Variants in CYP7B1 observed in about 807,000 individuals in gnomAD.
CYP7B1 encodes the protein cytochrome P450 family 7 subfamily B member 1.
In CYP7B1, 29 loss-of-function variants were observed where a neutral mutation model predicts 42.7. The observed-to-expected ratio is 0.68, with a 90% CI of 0.51 to 0.93. CYP7B1 has a LOEUF of 0.93. Ranked by LOEUF, CYP7B1 falls within the 40% of genes least tolerant of loss-of-function variation. The probability of loss-of-function intolerance (pLI) is 0.00; values close to 1 mark genes in which losing one functional copy is unlikely to be tolerated. For synonymous variants in CYP7B1, 235 were observed against 218.2 expected (o/e 1.08, Z -0.68); for missense variants, 655 against 600.5 (o/e 1.09, Z -0.95).
intron 1 of CYP7B1, among the ~76,000 whole-genome samples, chr8:64,676,402 A>T (rs952429195): frequency 1.3e-5 from 2 of 152,096 alleles, no homozygotes; most frequent in Non-Finnish European, 2.9e-5. Context: ...GAATATATGG[A>T]CTAAATGGAA....
downstream of CYP7B1, among the ~76,000 whole-genome samples, chr8:64,589,381 G>GT (rs972633216): frequency 1.3e-5 from 2 of 152,012 alleles, no homozygotes; most frequent in Non-Finnish European, 1.5e-5. Context: ...AAAATAAAAA[G>GT]TTTTTTTTAA....
chr8:64,720,684 A>G (rs1228239015), intron 1 of CYP7B1, among the ~76,000 whole-genome samples: 1 of 152,224 alleles, frequency 6.6e-6, no homozygotes, highest in East Asian at 1.9e-4. Context: ...CTAAATGTAT[A>G]TACCATGTGC....
At chr8:64,654,511 G>T (rs1323271429) in intron 1 of CYP7B1, among the ~76,000 whole-genome samples, 3 of 152,094 alleles carry the variant, frequency 2.0e-5, no homozygotes, top group Admixed American at 2.0e-4. Context: ...ACTGCTCAAA[G>T]GAATCAGAGA....
intron 1 of CYP7B1, among the ~76,000 whole-genome samples, chr8:64,787,736 C>A (rs1025242661): frequency 2.0e-5 from 3 of 152,138 alleles, no homozygotes; most frequent in Non-Finnish European, 4.4e-5. Flanking sequence ...TCCCTTGGAG[C>A]CAATCTACTG....
At chr8:64,708,714 G>T (rs1476519936) in intron 1 of CYP7B1, among the ~76,000 whole-genome samples, 1 of 152,240 alleles carries the variant, frequency 6.6e-6, no homozygotes, top group East Asian at 1.9e-4. Flanking sequence ...TTAGATATCT[G>T]CATTCTTGAG....
intron 2 of CYP7B1, among the ~76,000 whole-genome samples, chr8:64,619,249 ATCT>A (rs1457002011): frequency 1.3e-5 from 2 of 152,216 alleles, no homozygotes; most frequent in East Asian, 1.9e-4. Context: ...AACAAAGGAA[ATCT>A]TCTGAAAAGG....
At chr8:64,700,312 T>C (rs1585864373) in intron 1 of CYP7B1, among the ~76,000 whole-genome samples, 2 of 152,182 alleles carry the variant, frequency 1.3e-5, no homozygotes. Context: ...CCATCTATGA[T>C]CCTAGTAACG....
intron 1 of CYP7B1, chr8:64,704,011 G>A (rs1806955684): frequency 6.6e-6 from 1 of 151,988 alleles, no homozygotes; most frequent in South Asian, 2.1e-4. Context: ...CCTTTTGTTT[G>A]CTGCACTTTT....
At chr8:64,606,753 T>A (rs1453585056) in intron 4 of CYP7B1, among the ~76,000 whole-genome samples, 4 of 152,182 alleles carry the variant, frequency 2.6e-5, no homozygotes, top group Non-Finnish European at 5.9e-5. Context: ...CGAGATGAGG[T>A]TGGCTCTCGC....
Position 64,677,459 on chromosome 8 carries a change from AAAAAAT to A in CYP7B1, c.123-52926_123-52921del, listed in dbSNP as rs1365290064. Among the ~76,000 whole-genome samples the A allele has an allele frequency of 8.4e-4, 120 of 143,410 alleles. 1 individual carries two copies. The East Asian group carries it at 0.019, about 23-fold the overall frequency. 94.1% of individuals were successfully genotyped at this position (143,410 alleles called of 152,430 possible). A position where few individuals can be genotyped will look rare whatever the true frequency, so the allele number is the denominator to read the frequency against. ...GAGCCAAAAAAAAAAAAAAAAAAAA[AAAAAAT>A]GATTTCCTGGTGATTATATTAGCTA... is the stretch of plus-strand genomic sequence containing the variant. On this transcript the variant is annotated intron_variant, in intron 1 of 5. Coordinates refer to ENST00000310193, the MANE Select transcript of CYP7B1 (RefSeq NM_004820.5).
chr8:64,795,928 G>C (rs7814191), intron 1 of CYP7B1, among the ~76,000 whole-genome samples: 147,272 of 152,356 alleles, frequency 0.97, 71,286 homozygotes, highest in African/African-American at 0.99. Flanking sequence ...TGTCTGAAGG[G>C]AACAAATGAC....
chr8:64,730,814 G>C (rs1807397712), intron 1 of CYP7B1, among the ~76,000 whole-genome samples: 1 of 149,252 alleles, frequency 6.7e-6, no homozygotes, highest in Non-Finnish European at 1.5e-5. Flanking sequence ...GTCTGGCTCT[G>C]TTTCCCCACC....
intron 1 of CYP7B1, among the ~76,000 whole-genome samples, chr8:64,705,302 G>A (rs369694729): frequency 1.3e-5 from 2 of 151,792 alleles, no homozygotes; most frequent in Non-Finnish European, 2.9e-5. Context: ...GCCGTGATTA[G>A]AATTTAAGTT....
rs112213094 is a variant in CYP7B1, at chr8:64,734,848, A to T, written c.122+63618T>A. Among the ~76,000 whole-genome samples, 38 of 152,328 alleles carry T rather than the reference A, an allele frequency of 2.5e-4. 2 individuals carry two copies. Among genetic ancestry groups the T allele is most frequent in the African/African-American group, 8.2e-4 (34 of 41,570 alleles). On this transcript the variant is annotated intron_variant, in intron 1 of 5. Transcript: ENST00000310193. Reference sequence around the variant, plus strand: ...AAACTTTTTTTTAAACAAAAGCATAAGTATACTGGTTGCCTGAAAATTAGG... The same window carrying T: ...AAACTTTTTTTTAAACAAAAGCATATGTATACTGGTTGCCTGAAAATTAGG...
At chr8:64,714,682 A>G (rs1218687395) in intron 1 of CYP7B1, among the ~76,000 whole-genome samples, 2 of 152,228 alleles carry the variant, frequency 1.3e-5, no homozygotes, top group East Asian at 3.8e-4. Flanking sequence ...TCTGGACACG[A>G]CAACATCCCA....
chr8:64,673,830 A>G (rs1806403055), intron 1 of CYP7B1, among the ~76,000 whole-genome samples: 1 of 152,108 alleles, frequency 6.6e-6, no homozygotes, highest in Non-Finnish European at 1.5e-5. Context: ...CAGCAAATGT[A>G]ACCATTGCCG....
At chr8:64,735,866 G>A (rs1053602854) in intron 1 of CYP7B1, among the ~76,000 whole-genome samples, 7 of 152,088 alleles carry the variant, frequency 4.6e-5, no homozygotes, top group Admixed American at 1.3e-4. Flanking sequence ...GTGCCTGATC[G>A]AGAGAGAAAG....
chr8:64,784,715 A>G (rs1804492929), intron 1 of CYP7B1, among the ~76,000 whole-genome samples: 1 of 152,204 alleles, frequency 6.6e-6, no homozygotes, highest in African/African-American at 2.4e-5. Flanking sequence ...ATGTGCAAAT[A>G]TAACTCTGAA....
At chr8:64,650,080 T>C (rs1212042327) in intron 1 of CYP7B1, among the ~76,000 whole-genome samples, 3 of 152,200 alleles carry the variant, frequency 2.0e-5, no homozygotes, top group Non-Finnish European at 4.4e-5. Flanking sequence ...TCTGTTTTTT[T>C]ATTTTGTTGC....
Sources: allele counts gnomAD v4.1 joint callset (sites outside exome capture counted in the v4.1 genomes callset), GRCh38; gene constraint gnomAD v4.1.1; transcripts MANE v1.5; gene names NCBI Gene and HGNC (gene_info 2026-07-23, HGNC 2026-07-21).